The following PLAGL1 variants were observed in gnomAD, a reference collection of about 807,000 sequenced individuals.
PLAGL1 encodes the protein PLAG1 like zinc finger 1, also known as zinc finger protein PLAGL1.
In PLAGL1, 1 loss-of-function variant was observed where a neutral mutation model predicts 4.6. The ratio of observed to expected loss-of-function variants is 0.22; its 90% confidence interval spans 0.08 to 1.03. The LOEUF is 1.03. PLAGL1 is among the 50% of genes least tolerant of loss of function. PLAGL1 has a pLI of 0.58. For synonymous variants in PLAGL1, 240 were observed against 237.8 expected (o/e 1.01, Z -0.08); for missense variants, 464 against 570.4 (o/e 0.81, Z 1.90).
intron 1 of PLAGL1, among the ~76,000 whole-genome samples, chr6:144,024,894 A>C (rs1428177042): frequency 6.6e-6 from 1 of 152,214 alleles, no homozygotes; most frequent in Admixed American, 6.5e-5. Flanking sequence ...AATTGAATGA[A>C]TAAGTAAATA....
At chr6:144,010,386 C>G (rs1359486709), upstream of PLAGL1, among the ~76,000 whole-genome samples, 1 of 152,146 alleles carries the variant, frequency 6.6e-6, no homozygotes, top group Admixed American at 6.5e-5. This position sits in a 1 kb window ranked among gnomAD's most constrained non-coding sequence, Gnocchi z 4.1. Flanking sequence ...CCTAGGAATA[C>G]AACTTACAAG....
rs1199121513 is a variant in PLAGL1, at chr6:143,982,688, T to C, written c.-544+2447A>G. Among the ~76,000 whole-genome samples, 1 of 151,922 alleles carries C rather than the reference T, an allele frequency of 6.6e-6. No individual in the cohort carries two copies. The highest frequency in any genetic ancestry group is 1.5e-5 in the Non-Finnish European group (1 of 67,942). On this transcript the variant is annotated intron_variant, in intron 2 of 7. Transcript: ENST00000674357. The surrounding 1 kb of genome is among the most constrained non-coding windows in gnomAD (Gnocchi z 5.3). ...GGTCACCTTCTGGATTTATGGAAGG[T>C]GGGGCTGACAGTATCTCCTGACAGC...
rs1783441505 is a variant in PLAGL1, at chr6:143,961,837, A to G, written c.-398-1295T>C. On this transcript the variant is annotated intron_variant, in intron 5 of 7. Transcript: ENST00000674357. The surrounding 1 kb of genome is among the most constrained non-coding windows in gnomAD (Gnocchi z 6.5). ...CCCATCTCACAAACGGACAATACCAATTTATGTATTCAAAGAGGCAGGGGT... is the reference window on the plus strand; with the variant it reads ...CCCATCTCACAAACGGACAATACCAGTTTATGTATTCAAAGAGGCAGGGGT... Among the ~76,000 whole-genome samples the G allele has an allele frequency of 6.6e-6, 1 of 152,216 alleles. No individual in the cohort carries two copies. Among genetic ancestry groups the G allele is most frequent in the South Asian group, 2.1e-4 (1 of 4,826 alleles).
At chr6:144,017,051 C>A (rs1337375738) in intron 1 of PLAGL1, among the ~76,000 whole-genome samples, 1 of 152,112 alleles carries the variant, frequency 6.6e-6, no homozygotes, top group Non-Finnish European at 1.5e-5. Flanking sequence ...CTCATTATGG[C>A]ATTTACAGTC....
intron 1 of PLAGL1, among the ~76,000 whole-genome samples, chr6:144,044,156 G>T (rs910114838): frequency 6.6e-6 from 1 of 152,128 alleles, no homozygotes; most frequent in Admixed American, 6.5e-5. Context: ...TTTTTGAAGG[G>T]TTTTTTGTGT....
intron 1 of PLAGL1, among the ~76,000 whole-genome samples, chr6:144,023,329 A>AT (rs960375013): frequency 5.1e-4 from 77 of 152,334 alleles, no homozygotes; most frequent in Middle Eastern, 3.4e-3. Flanking sequence ...ATACATAACA[A>AT]TATGCATTTG....
chr6:144,005,323 G>A lies in PLAGL1; in HGVS notation c.-584+2767C>T, dbSNP rs1287455195. ...TTAGAACTGAACAATATACTACATAGAAAGCAGCAGTAAATGAAAATCTGC... is the reference window on the plus strand; with the variant it reads ...TTAGAACTGAACAATATACTACATAAAAAGCAGCAGTAAATGAAAATCTGC... On this transcript the variant is annotated intron_variant, in intron 1 of 7. Coordinates refer to ENST00000674357, the MANE Select transcript of PLAGL1 (RefSeq NM_001317162.2). This position sits in a 1 kb window ranked among gnomAD's most constrained non-coding sequence, Gnocchi z 4.6. The A allele has an allele frequency of 6.6e-6, 1 of 152,038 alleles. No individual in the cohort carries two copies. Among genetic ancestry groups the A allele is most frequent in the African/African-American group, 2.4e-5 (1 of 41,406 alleles). 9.4% of individuals were successfully genotyped at this position (152,038 alleles called of 1,614,324 possible). A position where few individuals can be genotyped will look rare whatever the true frequency, so the allele number is the denominator to read the frequency against.
intron 1 of PLAGL1, among the ~76,000 whole-genome samples, chr6:144,002,654 T>G (rs1008096177): frequency 2.0e-5 from 3 of 151,378 alleles, no homozygotes; most frequent in Admixed American, 1.3e-4. Context: ...AAAATAAAAC[T>G]GGGGGAAAAA....
At position 144,048,538 on chromosome 6, in the gene PLAGL1, T is replaced by C. The variant is rs563875161; in HGVS notation, c.-151+15930A>G. On this transcript the variant is annotated intron_variant, in intron 1 of 3. Coordinates refer to the PLAGL1 transcript ENST00000437412. The surrounding 1 kb of genome is among the most constrained non-coding windows in gnomAD (Gnocchi z 4.8). ...CTGTGCACCCTCAGACCCAACACTATATGGAAGCCTCCAAGGCTTACAGCT... is the reference window on the plus strand; with the variant it reads ...CTGTGCACCCTCAGACCCAACACTACATGGAAGCCTCCAAGGCTTACAGCT... Among the ~76,000 whole-genome samples the C allele has an allele frequency of 1.6e-4, 25 of 152,216 alleles. No individual in the cohort carries two copies. The highest frequency in any genetic ancestry group is 3.1e-4 in the Non-Finnish European group (21 of 68,020).
At chr6:143,969,635 AT>A (rs1476914160) in intron 2 of PLAGL1, among the ~76,000 whole-genome samples, 18 of 150,234 alleles carry the variant, frequency 1.2e-4, no homozygotes, top group East Asian at 5.9e-4. Context: ...AAAAAAAAAA[AT>A]TTTTTTTTTA....
rs1783740483 is a variant in PLAGL1 at position 143,963,250 on chromosome 6, C to T, written c.-399+1537G>A. The stretch of plus-strand genomic sequence containing the variant: ...ACAATTACTCCTTGAAGTCAGAAGC[C>T]TCCCAAATCTCTATCTTCAATCCTG... On this transcript the variant is annotated intron_variant, in intron 5 of 7. Transcript: ENST00000674357. This position sits in a 1 kb window ranked among gnomAD's most constrained non-coding sequence, Gnocchi z 6.1. Among the ~76,000 whole-genome samples, 1 of 152,200 alleles carries T rather than the reference C, an allele frequency of 6.6e-6. No individual in the cohort carries two copies. The highest frequency in any genetic ancestry group is 1.5e-5 in the Non-Finnish European group (1 of 68,040).
rs745778691 is a variant in PLAGL1, at chr6:143,954,296, A to G, written c.-324-5836T>C. ...AACTGACACAAAAAGTAACGGGGAA[A>G]AAAAGACTACGGGGGGAAGGAAACT... On this transcript the variant is annotated intron_variant, in intron 6 of 7. Transcript: ENST00000674357. The surrounding 1 kb of genome is among the most constrained non-coding windows in gnomAD (Gnocchi z 5.1). Among the ~76,000 whole-genome samples, 1 of 152,048 alleles carries G rather than the reference A, an allele frequency of 6.6e-6. No homozygotes were observed. The highest frequency in any genetic ancestry group is 2.4e-5 in the African/African-American group (1 of 41,462).
At chr6:144,020,373 C>T (rs1313714584) in intron 1 of PLAGL1, among the ~76,000 whole-genome samples, 4 of 152,178 alleles carry the variant, frequency 2.6e-5, no homozygotes, top group African/African-American at 7.2e-5. Context: ...CTGCAACCTC[C>T]GCCTCTCAGG....
rs1473517342 is a variant in PLAGL1 at position 143,954,612 on chromosome 6, AAGGAG to A, written c.-325+5852_-325+5856del. Among the ~76,000 whole-genome samples the A allele has an allele frequency of 7.9e-5, 12 of 152,234 alleles. No individual in the cohort carries two copies. The highest frequency in any genetic ancestry group is 2.7e-4 in the African/African-American group (11 of 41,466). On this transcript the variant is annotated intron_variant, in intron 6 of 7. Coordinates refer to ENST00000674357, the MANE Select transcript of PLAGL1 (RefSeq NM_001317162.2). The surrounding 1 kb of genome is among the most constrained non-coding windows in gnomAD (Gnocchi z 5.1). ...TGTATCATTTCACCAAGAAACATGA[AAGGAG>A]AGGAGATGATTTTTAAACTAACAAA...
At chr6:144,042,352 A>G (rs1298360639) in intron 1 of PLAGL1, among the ~76,000 whole-genome samples, 2 of 152,182 alleles carry the variant, frequency 1.3e-5, no homozygotes, top group East Asian at 3.8e-4. Flanking sequence ...ATTTTTGCAT[A>G]AGGTGAAAGG....
Position 143,950,071 on chromosome 6 carries a change from G to A in PLAGL1, c.-324-1611C>T, listed in dbSNP as rs1473035743. ...TGTTTTCAGTGTCTGGACAGAGTTC[G>A]CGGTACCAAGCAAATACCCCTCACC... On this transcript the variant is annotated intron_variant, in intron 6 of 7. Coordinates refer to ENST00000674357, the MANE Select transcript of PLAGL1 (RefSeq NM_001317162.2). This position sits in a 1 kb window ranked among gnomAD's most constrained non-coding sequence, Gnocchi z 6.3. Among the ~76,000 whole-genome samples the A allele has an allele frequency of 5.3e-5, 8 of 152,032 alleles. No homozygotes were observed. Among genetic ancestry groups the A allele is most frequent in the Admixed American group, 1.3e-4 (2 of 15,264 alleles).
chr6:144,032,143 G>A (rs990656942), intron 1 of PLAGL1, among the ~76,000 whole-genome samples: 1 of 149,304 alleles, frequency 6.7e-6, no homozygotes, highest in Non-Finnish European at 1.5e-5. Flanking sequence ...TTGAGACAGA[G>A]TATCTATCTC....
In PLAGL1 at chr6:144,006,718, T is replaced by C. The variant is rs970181343; in HGVS notation, c.-584+1372A>G. ...AGGTAGGCATGAAGGCGGCATCCAG[T>C]TTTCTGCCATTACAGTCAACCTTCT... On this transcript the variant is annotated intron_variant, in intron 1 of 7. Coordinates refer to ENST00000674357, the MANE Select transcript of PLAGL1 (RefSeq NM_001317162.2). This position sits in a 1 kb window ranked among gnomAD's most constrained non-coding sequence, Gnocchi z 4.3. The C allele has an allele frequency of 1.5e-4, 23 of 152,176 alleles. No homozygotes were observed. The highest frequency in any genetic ancestry group is 5.6e-4 in the African/African-American group (23 of 41,436). The allele number at this position is 152,176 out of a possible 1,614,324, so 9.4% of individuals were successfully genotyped here.
rs554984061 is a variant in PLAGL1 at position 143,952,078 on chromosome 6, G to T, written c.-324-3618C>A. On this transcript the variant is annotated intron_variant, in intron 6 of 7. Coordinates refer to ENST00000674357, the MANE Select transcript of PLAGL1 (RefSeq NM_001317162.2). This position sits in a 1 kb window ranked among gnomAD's most constrained non-coding sequence, Gnocchi z 6.1. ...CCCAACAGACTATAAACGCTTTGTG[G>T]CTGAGGGTCAAAGCTTAGCTATTAA... is the stretch of plus-strand genomic sequence containing the variant. 1.7e-3 allele frequency among the ~76,000 whole-genome samples: 254 copies of T among 152,218 alleles called. No homozygotes were observed. Among genetic ancestry groups the T allele is most frequent in the Non-Finnish European group, 2.6e-3 (179 of 68,012 alleles).
Sources: allele counts gnomAD v4.1 joint callset (sites outside exome capture counted in the v4.1 genomes callset), GRCh38; gene constraint gnomAD v4.1.1; non-coding constraint Gnocchi (gnomAD v3.1); transcripts MANE v1.5; gene names NCBI Gene and HGNC (gene_info 2026-07-23, HGNC 2026-07-21).